Variants in CEP152 observed in about 807,000 individuals in gnomAD.
The protein encoded by CEP152 is centrosomal protein 152, also known as centrosomal protein of 152 kDa.
Under a neutral mutation model 188.9 loss-of-function variants are expected in CEP152, and 132 were observed. The ratio of observed to expected loss-of-function variants is 0.70; its 90% CI spans 0.61 to 0.81. The LOEUF is 0.81. CEP152 is among the 30% of genes least tolerant of loss of function. The pLI is 0.00. For synonymous variants in CEP152, 649 were observed against 666.6 expected (o/e 0.97, Z 0.41); for missense variants, 1,914 against 1,969.8 (o/e 0.97, Z 0.54).
chr15:48,778,555 T>C (rs1896060275), intron 12 of CEP152, among the ~76,000 whole-genome samples: 1 of 152,336 alleles, frequency 6.6e-6, no homozygotes, highest in Admixed American at 6.5e-5. Flanking sequence ...AATCACACTG[T>C]GCTTTATTCT....
chr15:48,769,395 A>G (rs1469081047), intron 13 of CEP152, among the ~76,000 whole-genome samples: 27 of 152,220 alleles, frequency 1.8e-4, no homozygotes, highest in Non-Finnish European at 1.5e-5. Flanking sequence ...CCTCCAATCT[A>G]GGACAGCTCT....
intron 21 of CEP152, among the ~76,000 whole-genome samples, chr15:48,750,996 C>A (rs994342069): frequency 1.3e-5 from 2 of 152,086 alleles, no homozygotes; most frequent in Non-Finnish European, 2.9e-5. Flanking sequence ...TACATATATT[C>A]TTTGAATGAA....
In CEP152 at chr15:48,745,417, T is replaced by G. The variant is rs573315170; in HGVS notation, c.3635-425A>C. Among the ~76,000 whole-genome samples the G allele has an allele frequency of 2.2e-4, 34 of 151,976 alleles. 1 individual carries two copies. In the South Asian group the frequency reaches 6.9e-3, roughly 31 times the overall value. On this transcript the variant is annotated intron_variant, in intron 22 of 26. Coordinates refer to ENST00000380950, the MANE Select transcript of CEP152 (RefSeq NM_001194998.2). The stretch of plus-strand genomic sequence containing the variant: ...AGTTAACCTTAAGTAGGTGTCTTTT[T>G]CAGAAATAATGTAAGATTTTCAATT...
At chr15:48,755,850 C>T in intron 20 of CEP152, 53 bp downstream of exon 20, 1 of 1,608,912 alleles carries the variant, frequency 6.2e-7, no homozygotes, top group Non-Finnish European at 8.5e-7. Context: ...CTATATACAA[C>T]TTCTATAATC....
chr15:48,732,451 G>C (rs1892453598), intron 2 of CEP152, among the ~76,000 whole-genome samples: 1 of 152,040 alleles, frequency 6.6e-6, no homozygotes, highest in South Asian at 2.1e-4. Flanking sequence ...ACAAAACACT[G>C]CATGTTCTCA....
intron 21 of CEP152, 52 bp from the exon 22 acceptor site, chr15:48,748,662 A>G: frequency 8.6e-7 from 1 of 1,156,914 alleles, no homozygotes; most frequent in African/African-American, 3.2e-5. Flanking sequence ...ACCAAGAACT[A>G]TCATTAAAAA....
intron 12 of CEP152, among the ~76,000 whole-genome samples, chr15:48,773,086 T>C (rs1895670544): frequency 6.6e-6 from 1 of 152,206 alleles, no homozygotes; most frequent in Non-Finnish European, 1.5e-5. Flanking sequence ...TAACCAACAA[T>C]TTCTGTTATT....
In CEP152 at chr15:48,772,545, T is replaced by TGACA. The variant is rs1895629059; in HGVS notation, c.1720_1723dup (p.His575LeufsTer3). On this transcript the variant is annotated frameshift_variant, in exon 13 of 27. Transcript: ENST00000380950. LOFTEE classifies it high-confidence loss of function. The stretch of plus-strand genomic sequence containing the variant: ...TTGGTGGAGATCTTCAATTTTCTTA[T>TGACA]GACAGTCTTTGAGGTCATTTTGTAA... 6.2e-7 allele frequency: 1 copy of TGACA among 1,613,934 alleles called. No individual in the cohort carries two copies. The highest frequency in any genetic ancestry group is 8.5e-7 in the Non-Finnish European group (1 of 1,180,032).
intron 20 of CEP152, among the ~76,000 whole-genome samples, chr15:48,755,451 GA>G (rs913611715): frequency 6.6e-6 from 1 of 150,534 alleles, no homozygotes; most frequent in Admixed American, 6.6e-5. Flanking sequence ...ACAGAATTTT[GA>G]AAAAAAAATT....
Position 48,739,199 on chromosome 15 carries a change from T to G in CEP152, c.4183A>C (p.Lys1395Gln), listed in dbSNP as rs201350689. The G allele has an allele frequency of 8.9e-5, 143 of 1,613,588 alleles. No individual in the cohort carries two copies. The highest frequency in any genetic ancestry group is 9.7e-5 in the Non-Finnish European group (115 of 1,179,860). The change falls in exon 27 of 27, where the codon AAA (lysine) becomes CAA (glutamine). Residue 1395 changes from lysine (K) to glutamine (Q), a missense_variant. Transcript: ENST00000380950. ...GTGATGGTGTTTACACTATTTGATTTGCTTTCAATACAACATGGTATTTTC... is the reference window on the plus strand; with the variant it reads ...GTGATGGTGTTTACACTATTTGATTGGCTTTCAATACAACATGGTATTTTC... ...NQKIPCCIESKSNSVNTITRT... is the reference protein window; with the variant it reads ...NQKIPCCIESQSNSVNTITRT...
At chr15:48,781,462 A>T in intron 11 of CEP152, 103 bp from the exon 12 acceptor site, 1 of 836,180 alleles carries the variant, frequency 1.2e-6, no homozygotes, top group Non-Finnish European at 1.9e-6. Context: ...GGAGGCAAAA[A>T]AACTTCTTCA....
chr15:48,752,326 T>A, intron 21 of CEP152, 23 bp downstream of exon 21: 1 of 1,614,080 alleles, frequency 6.2e-7, no homozygotes, highest in Non-Finnish European at 8.5e-7. Flanking sequence ...CTACAAAGAC[T>A]GGTGGGAACA....
chr15:48,750,212 T>C (rs896453369), intron 21 of CEP152, among the ~76,000 whole-genome samples: 1 of 152,168 alleles, frequency 6.6e-6, no homozygotes, highest in Non-Finnish European at 1.5e-5. Context: ...TTTAAAACTT[T>C]TAGAAGACGT....
Position 48,791,396 on chromosome 15 carries a change from T to A in CEP152, c.833-20A>T, listed in dbSNP as rs1317422056. The A allele has an allele frequency of 6.2e-7, 1 of 1,605,374 alleles. No individual in the cohort carries two copies. Among genetic ancestry groups the A allele is most frequent in the Non-Finnish European group, 8.5e-7 (1 of 1,175,920 alleles). On this transcript the variant is annotated intron_variant, in intron 7 of 26. Coordinates refer to ENST00000380950, the MANE Select transcript of CEP152 (RefSeq NM_001194998.2). ...TTTCATCTACGGTATTAAAAATGTT[T>A]ATATAAATAATGTTCCTGTAGAGGG...
At chr15:48,731,008 T>G (rs140420766) in intron 2 of CEP152, among the ~76,000 whole-genome samples, 2 of 152,198 alleles carry the variant, frequency 1.3e-5, no homozygotes, top group East Asian at 3.8e-4. Context: ...AGAAAAACTA[T>G]GCATGTGCTT....
chr15:48,806,907 G>A (rs1898017431), intron 1 of CEP152, among the ~76,000 whole-genome samples: 1 of 152,060 alleles, frequency 6.6e-6, no homozygotes, highest in Non-Finnish European at 1.5e-5. Flanking sequence ...AAGAAAATAT[G>A]CAAGCTAGAA....
intron 21 of CEP152, among the ~76,000 whole-genome samples, chr15:48,751,814 A>G (rs757360532): frequency 2.6e-5 from 4 of 152,222 alleles, no homozygotes; most frequent in African/African-American, 4.8e-5. Context: ...GCTCTAGTAC[A>G]GTATAAGAAT....
At position 48,738,793 on chromosome 15, in the gene CEP152, C is replaced by A. The variant is rs772707697; in HGVS notation, c.4589G>T (p.Arg1530Ile). The change falls in exon 27 of 27, where the codon AGA becomes ATA. Residue 1530 changes from arginine (R) to isoleucine (I), a missense_variant. Transcript: ENST00000380950. ...GCATTTATATACTTTTAAACCAAGTCTTTCATTAGAATCGCGAAAGGTTAT... is the reference window on the plus strand; with the variant it reads ...GCATTTATATACTTTTAAACCAAGTATTTCATTAGAATCGCGAAAGGTTAT... Reference protein sequence around the residue: ...MHITFRDSNERLGLKVYKCNP... With the variant: ...MHITFRDSNEILGLKVYKCNP... The A allele has an allele frequency of 3.0e-5, 48 of 1,614,152 alleles. No homozygotes were observed. Among genetic ancestry groups the A allele is most frequent in the Non-Finnish European group, 3.7e-5 (44 of 1,180,004 alleles).
At chr15:48,735,716 A>G (rs1295189697), downstream of CEP152, among the ~76,000 whole-genome samples, 2 of 152,200 alleles carry the variant, frequency 1.3e-5, no homozygotes, top group African/African-American at 4.8e-5. Flanking sequence ...GCCTGGCGAC[A>G]GAGCAAGTCT....
Sources: allele counts gnomAD v4.1 joint callset (sites outside exome capture counted in the v4.1 genomes callset), GRCh38; gene constraint gnomAD v4.1.1; transcripts MANE v1.5; gene names NCBI Gene and HGNC (gene_info 2026-07-23, HGNC 2026-07-21).